The following UPP1 variants were observed in gnomAD, a reference collection of about 807,000 sequenced individuals.
UPP1 encodes UPase 1.
A neutral mutation model predicts 29.6 loss-of-function variants in UPP1; 25 were observed. The ratio of observed to expected loss-of-function variants is 0.85; its 90% CI spans 0.62 to 1.18. UPP1 has a LOEUF of 1.18. Ranked by LOEUF, UPP1 falls within the 50% of genes most tolerant of loss-of-function variation. UPP1 has a pLI of 0.00. For missense variants in UPP1, 368 were observed against 410.4 expected (o/e 0.90, Z 0.89); for synonymous variants, 165 against 159.8 (o/e 1.03, Z -0.25).
chr7:48,108,398 C>G lies in UPP1; in HGVS notation c.*41C>G, dbSNP rs1562662568. On this transcript the variant is annotated 3_prime_UTR_variant, in exon 9 of 9. Transcript: ENST00000395564. ...TCCGCAGACCTGCTGTGATGACTTG[C>G]CATTAAAAGCATTGTCCAAAATCCC... 6.3e-7 allele frequency: 1 copy of G among 1,579,174 alleles called. No individual in the cohort carries two copies.
chr7:48,092,406 A>G (rs1392634873), intron 2 of UPP1, among the ~76,000 whole-genome samples: 2 of 152,122 alleles, frequency 1.3e-5, no homozygotes, highest in Non-Finnish European at 2.9e-5. Context: ...GATAAGAAGC[A>G]CTGCCCTGGC....
chr7:48,091,121 ATTC>A (rs762106463), intron 2 of UPP1, among the ~76,000 whole-genome samples: 47 of 152,224 alleles, frequency 3.1e-4, no homozygotes, highest in Non-Finnish European at 5.6e-4. Flanking sequence ...AACAACAAAC[ATTC>A]TTCTTCCTTC....
intron 2 of UPP1, among the ~76,000 whole-genome samples, chr7:48,092,101 C>A (rs576305555): frequency 5.9e-5 from 9 of 152,226 alleles, no homozygotes; most frequent in South Asian, 2.1e-4. Context: ...TCTTCCCCTG[C>A]CTGGTTCACT....
In UPP1 at chr7:48,099,328, G is replaced by A. The variant is rs1027714353; in HGVS notation, c.45-342G>A. 3.3e-5 allele frequency among the ~76,000 whole-genome samples: 5 copies of A among 152,168 alleles called. No homozygotes were observed. The South Asian group carries it at 6.2e-4, about 19-fold the overall frequency. ...TAAAATAAATTCAAGTTTATACATC[G>A]AATGAACTTGATTAGAGGAGCAACT... On this transcript the variant is annotated intron_variant, in intron 3 of 8. Coordinates refer to ENST00000395564, the MANE Select transcript of UPP1 (RefSeq NM_003364.4).
intron 7 of UPP1, 117 bp downstream of exon 7, chr7:48,107,199 A>C (rs1161296596): frequency 7.0e-7 from 1 of 1,437,370 alleles, no homozygotes; most frequent in East Asian, 2.4e-5. Flanking sequence ...TCTCAGTTAC[A>C]CTTCGCCCAG....
At chr7:48,094,406 G>T (rs1335346319) in intron 2 of UPP1, among the ~76,000 whole-genome samples, 1 of 152,088 alleles carries the variant, frequency 6.6e-6, no homozygotes. Context: ...AGTAGAGATG[G>T]TGTTTCACTG....
At chr7:48,100,026 T>G (rs911645909) in intron 4 of UPP1, among the ~76,000 whole-genome samples, 1 of 152,260 alleles carries the variant, frequency 6.6e-6, no homozygotes, top group African/African-American at 2.4e-5. Context: ...AGTGCAGTCA[T>G]GCATTGTTTA....
chr7:48,104,196 A>G (rs1210946183), intron 6 of UPP1, among the ~76,000 whole-genome samples: 2 of 152,120 alleles, frequency 1.3e-5, no homozygotes, highest in Non-Finnish European at 2.9e-5. Flanking sequence ...TCAGCCTGGC[A>G]ACAGAGCGAG....
At chr7:48,108,166 G>T in intron 8 of UPP1, 52 bp from the exon 9 acceptor site, 2 of 1,581,780 alleles carry the variant, frequency 1.3e-6, no homozygotes, top group South Asian at 2.3e-5. Flanking sequence ...CCGTCCCTGT[G>T]AAATGTTAGA....
chr7:48,107,268 T>C (rs1297029078), intron 7 of UPP1, 93 bp from the exon 8 acceptor site: 4 of 1,511,874 alleles, frequency 2.6e-6, no homozygotes, highest in Admixed American at 1.8e-5. Context: ...TGGGTCTTGC[T>C]TGTCCCTGTG....
intron 2 of UPP1, 74 bp from the exon 3 acceptor site, chr7:48,094,689 A>G: frequency 7.5e-6 from 10 of 1,328,166 alleles, no homozygotes; most frequent in Middle Eastern, 1.9e-4. Flanking sequence ...GACTTTCTAC[A>G]TATTAGTGGG....
chr7:48,098,954 G>A (rs973504064), intron 3 of UPP1, among the ~76,000 whole-genome samples: 8 of 152,212 alleles, frequency 5.3e-5, no homozygotes, highest in Non-Finnish European at 1.2e-4. Flanking sequence ...TCACTCATTT[G>A]TGTGCTATCT....
chr7:48,103,837 G>A lies in UPP1; in HGVS notation c.436+426G>A, dbSNP rs774364032. ...CAGGAAAATCAAAGGGGGGAAGAGA[G>A]AGGCGCAGTACAAAACTCAGATAAG... On this transcript the variant is annotated intron_variant, in intron 6 of 8. Coordinates refer to ENST00000395564, the MANE Select transcript of UPP1 (RefSeq NM_003364.4). 3.9e-5 allele frequency: 50 copies of A among 1,289,964 alleles called. 1 individual carries two copies. The South Asian group carries it at 5.9e-4, about 15-fold the overall frequency. The allele number at this position is 1,289,964 out of a possible 1,614,324, so 79.9% of individuals were successfully genotyped here. A position where few individuals can be genotyped will look rare whatever the true frequency, so the allele number is the denominator to read the frequency against.
chr7:48,100,817 T>G (rs1351312670), intron 4 of UPP1, among the ~76,000 whole-genome samples: 1 of 152,240 alleles, frequency 6.6e-6, no homozygotes, highest in Non-Finnish European at 1.5e-5. Context: ...TTCATCCTAT[T>G]AAGTTAATCC....
chr7:48,089,846 G>C (rs879759689), intron 1 of UPP1, among the ~76,000 whole-genome samples: 1 of 152,198 alleles, frequency 6.6e-6, no homozygotes, highest in Admixed American at 6.5e-5. Flanking sequence ...GGCGGGGAGT[G>C]CGGGAACCCC....
chr7:48,101,090 T>C (rs1007477953), intron 4 of UPP1, among the ~76,000 whole-genome samples: 1 of 152,164 alleles, frequency 6.6e-6, no homozygotes, highest in Middle Eastern at 3.4e-3. Context: ...TATTTTTTAG[T>C]AGAGATGGGG....
chr7:48,095,388 C>T (rs902339651), intron 3 of UPP1, among the ~76,000 whole-genome samples: 1 of 152,010 alleles, frequency 6.6e-6, no homozygotes, highest in Non-Finnish European at 1.5e-5. Context: ...TCTGTCCTGC[C>T]GCCATGGCCT....
chr7:48,108,291 C>G lies in UPP1; in HGVS notation c.867C>G (p.Ser289Arg). The change falls in exon 9 of 9, where the codon AGC becomes AGG. Residue 289 changes from serine to arginine, a missense_variant. Transcript: ENST00000395564. ...DQISSPRNVLSEYQQRPQRLV... is the reference protein window; with the variant it reads ...DQISSPRNVLREYQQRPQRLV... ...TCAGCAGCCCTCGCAATGTGCTCAG[C>G]GAGTACCAGCAGAGGCCGCAGCGGC... is the stretch of plus-strand genomic sequence containing the variant. The G allele has an allele frequency of 6.2e-7, 1 of 1,614,068 alleles. No homozygotes were observed. Among genetic ancestry groups the G allele is most frequent in the Non-Finnish European group, 8.5e-7 (1 of 1,180,016 alleles).
At position 48,099,690 on chromosome 7, in the gene UPP1, T is replaced by C. The variant is rs1178647198; in HGVS notation, c.65T>C (p.Leu22Ser). Reference protein sequence around the residue: ...ESHNDCPVRLLNPNIAKMKED... With the variant: ...ESHNDCPVRLSNPNIAKMKED... ...AACAGTGATTGCCCCGTCAGACTTTTAAATCCAAACATAGCAAAAATGAAA... is the reference window on the plus strand; with the variant it reads ...AACAGTGATTGCCCCGTCAGACTTTCAAATCCAAACATAGCAAAAATGAAA... Residue 22 changes from leucine to serine, a missense_variant, in exon 4 of 9, where the codon TTA (leucine) becomes TCA (serine). Physicochemically the swap from Leu to Ser is moderately radical, Grantham distance 145. Transcript: ENST00000395564. 1 of 1,613,232 alleles carries C rather than the reference T, an allele frequency of 6.2e-7. No individual in the cohort carries two copies. The highest frequency in any genetic ancestry group is 1.7e-4 in the Middle Eastern group (1 of 6,058).
Sources: allele counts gnomAD v4.1 joint callset (sites outside exome capture counted in the v4.1 genomes callset), GRCh38; gene constraint gnomAD v4.1.1; transcripts MANE v1.5; gene names NCBI Gene and HGNC (gene_info 2026-07-23, HGNC 2026-07-21).